Variants in CSMD1 observed in about 807,000 individuals in gnomAD.
The protein encoded by CSMD1 is CUB and sushi domain-containing protein 1.
CSMD1 carries 213 observed loss-of-function variants against 417.5 expected under a neutral mutation model. The observed-to-expected ratio is 0.51, with a 90% CI of 0.46 to 0.57. The LOEUF is 0.57. CSMD1 is among the 20% of genes least tolerant of loss of function. CSMD1 has a pLI of 0.00. For synonymous variants in CSMD1, 2,862 were observed against 1,736.8 expected, an observed-to-expected ratio of 1.65 and a Z score of -16.11; for missense variants, 6,923 against 4,529.7, an observed-to-expected ratio of 1.53 and a Z score of -15.17.
chr8:3,906,476 G>C (rs1232399890), intron 5 of CSMD1, among the ~76,000 whole-genome samples: 1 of 152,094 alleles, frequency 6.6e-6, no homozygotes, highest in Non-Finnish European at 1.5e-5. Context: ...AAGACATAAT[G>C]GACAAAGTGT....
intron 3 of CSMD1, among the ~76,000 whole-genome samples, chr8:4,142,343 G>T (rs146370934): frequency 6.6e-6 from 1 of 151,040 alleles, no homozygotes; most frequent in Non-Finnish European, 1.5e-5. Context: ...ACTCTACGAG[G>T]TTATGATATT....
chr8:3,807,661 C>G (rs76650963), intron 5 of CSMD1, among the ~76,000 whole-genome samples: 2,244 of 152,180 alleles, frequency 0.015, 25 homozygotes, highest in Non-Finnish European at 0.019. Flanking sequence ...TTTCATTCAC[C>G]TACACATCTC....
In CSMD1 at chr8:3,877,770, C is replaced by T. The variant is rs187257764; in HGVS notation, c.818+120133G>A. Among the ~76,000 whole-genome samples the T allele has an allele frequency of 3.1e-3, 474 of 152,230 alleles. 2 individuals are homozygous for T. The highest frequency in any genetic ancestry group is 0.011 in the African/African-American group (442 of 41,540). On this transcript the variant is annotated intron_variant, in intron 5 of 69. Transcript: ENST00000635120. Reference sequence around the variant, plus strand: ...AATTCACTTTGATATGTAAATCTAGCGTTAGCATGGCATGTTAAGTTAAAT... The same window carrying T: ...AATTCACTTTGATATGTAAATCTAGTGTTAGCATGGCATGTTAAGTTAAAT...
At chr8:3,423,677 G>A (rs2116987569) in intron 12 of CSMD1, among the ~76,000 whole-genome samples, 1 of 152,326 alleles carries the variant, frequency 6.6e-6, no homozygotes, top group East Asian at 1.9e-4. Flanking sequence ...GGGCTATTAT[G>A]AAGAAAGTCT....
At position 2,997,374 on chromosome 8, in the gene CSMD1, G is replaced by C. The variant is rs568131364; in HGVS notation, c.8377+637C>G. On this transcript the variant is annotated intron_variant, in intron 54 of 69. Coordinates refer to ENST00000635120, the MANE Select transcript of CSMD1 (RefSeq NM_033225.6). ...AGCTCCCGTGGGAGCCCTAGGATAA[G>C]AGAGGTTCTTGTCAGAGAAAGAGAC... Among the ~76,000 whole-genome samples, 96 of 152,336 alleles carry C rather than the reference G, an allele frequency of 6.3e-4. 1 individual carries two copies. The highest frequency in any genetic ancestry group is 2.2e-3 in the African/African-American group (90 of 41,578).
chr8:3,441,202 C>G (rs1047328862), intron 12 of CSMD1, among the ~76,000 whole-genome samples: 2 of 152,056 alleles, frequency 1.3e-5, no homozygotes, highest in African/African-American at 2.4e-5. Context: ...CCCGGGAGAT[C>G]TGGCAGGGAG....
rs1462827235 is a variant in CSMD1 at position 4,186,028 on chromosome 8, G to C, written c.416-153929C>G. ...TGATCTGATACATACAAATCCCTAG[G>C]TACATAGTGCCTGGGTGGGCCTGGA... On this transcript the variant is annotated intron_variant, in intron 3 of 69. Transcript: ENST00000635120. 4.6e-5 allele frequency among the ~76,000 whole-genome samples: 7 copies of C among 152,244 alleles called. No homozygotes were observed. The East Asian group carries it at 1.4e-3, about 29-fold the overall frequency.
intron 10 of CSMD1, among the ~76,000 whole-genome samples, chr8:3,550,421 G>A (rs1212897252): frequency 2.0e-5 from 3 of 152,146 alleles, no homozygotes; most frequent in African/African-American, 7.2e-5. Flanking sequence ...TGGCTCAGCA[G>A]ACAGCCCTCA....
intron 3 of CSMD1, among the ~76,000 whole-genome samples, chr8:4,343,032 C>G (rs898907951): frequency 2.0e-5 from 3 of 152,092 alleles, no homozygotes; most frequent in Non-Finnish European, 4.4e-5. Context: ...TCCTCCAACC[C>G]TCATATTCAA....
At chr8:3,690,286 C>A (rs537571665) in intron 7 of CSMD1, among the ~76,000 whole-genome samples, 1 of 152,284 alleles carries the variant, frequency 6.6e-6, no homozygotes, top group African/African-American at 2.4e-5. Flanking sequence ...CGTTTGAGCC[C>A]AGGAGGTGGC....
chr8:4,437,110 T>C (rs1798192609), intron 2 of CSMD1, among the ~76,000 whole-genome samples: 1 of 152,224 alleles, frequency 6.6e-6, no homozygotes, highest in Admixed American at 6.5e-5. Flanking sequence ...AATCCTACAG[T>C]TGCTACCCAA....
At chr8:3,966,960 AT>A (rs1441248118) in intron 5 of CSMD1, among the ~76,000 whole-genome samples, 1 of 152,192 alleles carries the variant, frequency 6.6e-6, no homozygotes, top group East Asian at 1.9e-4. Flanking sequence ...CAAATTCTCC[AT>A]TCTGTTTTCA....
At chr8:4,605,315 G>C (rs977769127) in intron 2 of CSMD1, among the ~76,000 whole-genome samples, 19 of 152,130 alleles carry the variant, frequency 1.2e-4, no homozygotes, top group Admixed American at 6.5e-5. Context: ...CACAGGGTGG[G>C]TTCTCTTGAA....
rs1374349946 is a variant in CSMD1 at position 4,367,091 on chromosome 8, T to TTA, written c.415+52860_415+52861dup. Among the ~76,000 whole-genome samples, 4 of 152,326 alleles carry TTA rather than the reference T, an allele frequency of 2.6e-5. No individual in the cohort carries two copies. In the East Asian group the frequency reaches 7.7e-4, roughly 29 times the overall value. On this transcript the variant is annotated intron_variant, in intron 3 of 69. Coordinates refer to ENST00000635120, the MANE Select transcript of CSMD1 (RefSeq NM_033225.6). ...ATTTTTATTTTTATTGCAATTGCTTTTAGAGACTTATTCATAAATTGTTTA... is the reference window on the plus strand; with the variant it reads ...ATTTTTATTTTTATTGCAATTGCTTTTATAGAGACTTATTCATAAATTGTTTA...
At chr8:4,774,287 G>A (rs895024681) in intron 1 of CSMD1, among the ~76,000 whole-genome samples, 4 of 152,166 alleles carry the variant, frequency 2.6e-5, no homozygotes, top group African/African-American at 9.6e-5. Flanking sequence ...AGTGCAGTTT[G>A]AATCTTACTT....
chr8:2,989,866 T>C (rs1008555568), intron 54 of CSMD1, among the ~76,000 whole-genome samples: 1 of 152,198 alleles, frequency 6.6e-6, no homozygotes, highest in African/African-American at 2.4e-5. Context: ...TGAGTCTTCC[T>C]AGCTAGCAAA....
intron 1 of CSMD1, among the ~76,000 whole-genome samples, chr8:4,945,967 C>G (rs1273703359): frequency 6.6e-6 from 1 of 152,152 alleles, no homozygotes; most frequent in Admixed American, 6.5e-5. Flanking sequence ...TAGGACATAT[C>G]AGAGGCTCCA....
chr8:3,699,635 G>A (rs549448898), intron 7 of CSMD1, among the ~76,000 whole-genome samples: 6 of 151,894 alleles, frequency 4.0e-5, no homozygotes, highest in East Asian at 1.9e-4. Flanking sequence ...TGTTACTACC[G>A]TTATGACAGC....
intron 12 of CSMD1, among the ~76,000 whole-genome samples, chr8:3,453,939 G>A (rs930232791): frequency 5.3e-5 from 8 of 152,112 alleles, no homozygotes; most frequent in African/African-American, 1.9e-4. Context: ...ATTATTGTGT[G>A]GGACTCTAAG....
Sources: allele counts gnomAD v4.1 joint callset (sites outside exome capture counted in the v4.1 genomes callset), GRCh38; gene constraint gnomAD v4.1.1; transcripts MANE v1.5; gene names NCBI Gene and HGNC (gene_info 2026-07-23, HGNC 2026-07-21).